Variants in FTO observed in about 807,000 individuals in gnomAD.
FTO encodes the protein alpha-ketoglutarate-dependent dioxygenase FTO.
A neutral mutation model predicts 63.9 loss-of-function variants in FTO; 47 were observed. The ratio of observed to expected loss-of-function variants is 0.74; its 90% CI spans 0.58 to 0.94. The LOEUF is 0.94. FTO is among the 40% of genes least tolerant of loss of function. The probability of loss-of-function intolerance (pLI) is 0.00; values close to 1 mark genes in which losing one functional copy is unlikely to be tolerated. For missense variants in FTO, 562 were observed against 618.1 expected (o/e 0.91, Z 0.96); for synonymous variants, 207 against 224.4 (o/e 0.92, Z 0.69).
In FTO at chr16:53,902,360, G is replaced by A. The variant is rs114436189; in HGVS notation, c.1239+13409G>A. On this transcript the variant is annotated intron_variant, in intron 7 of 8. Coordinates refer to ENST00000471389, the MANE Select transcript of FTO (RefSeq NM_001080432.3). ...GACTCAGAAGGATGTAGGCTTTTCT[G>A]GAGGGCATAGAGCCAGATAATATAG... Among the ~76,000 whole-genome samples, 184 of 152,214 alleles carry A rather than the reference G, an allele frequency of 1.2e-3. 1 individual carries two copies. The highest frequency in any genetic ancestry group is 4.4e-3 in the African/African-American group (181 of 41,540).
chr16:53,833,391 A>G (rs2079195870), intron 3 of FTO, among the ~76,000 whole-genome samples: 1 of 152,236 alleles, frequency 6.6e-6, no homozygotes, highest in Non-Finnish European at 1.5e-5. Flanking sequence ...TCCTTTTTAA[A>G]GATGACTAAT....
rs969565037 is a variant in FTO at position 54,121,121 on chromosome 16, A to G, written c.*9206A>G. 3.3e-5 allele frequency: 5 copies of G among 152,286 alleles called. No individual in the cohort carries two copies. The highest frequency in any genetic ancestry group is 4.8e-5 in the African/African-American group (2 of 41,456). The allele number at this position is 152,286 out of a possible 1,614,324, so 9.4% of individuals were successfully genotyped here. Reference sequence around the variant, plus strand: ...ATTATCTATGGCTGTTTCCAACTACAGTGGCAGAGCTGAATAGTTGCAAAG... The same window carrying G: ...ATTATCTATGGCTGTTTCCAACTACGGTGGCAGAGCTGAATAGTTGCAAAG... On this transcript the variant is annotated 3_prime_UTR_variant, in exon 9 of 9. Coordinates refer to ENST00000471389, the MANE Select transcript of FTO (RefSeq NM_001080432.3).
rs1177370624 is a variant in FTO, at chr16:54,114,456, A to T, written c.*2541A>T. ...CCAATAAACATATTAAAAGGATGAG[A>T]TAAGAAACCGAGAGATTTTGCTGTT... is the stretch of plus-strand genomic sequence containing the variant. On this transcript the variant is annotated 3_prime_UTR_variant, in exon 9 of 9. Transcript: ENST00000471389. 3.9e-5 allele frequency: 6 copies of T among 152,180 alleles called. No homozygotes were observed. The highest frequency in any genetic ancestry group is 8.8e-5 in the Non-Finnish European group (6 of 68,032). 9.4% of individuals were successfully genotyped at this position (152,180 alleles called of 1,614,324 possible).
At position 54,023,209 on chromosome 16, in the gene FTO, C is replaced by A. The variant is rs573505744; in HGVS notation, c.1365-88553C>A. 1.2e-4 allele frequency among the ~76,000 whole-genome samples: 19 copies of A among 152,286 alleles called. No homozygotes were observed. The South Asian group carries it at 3.9e-3, about 32-fold the overall frequency. The stretch of plus-strand genomic sequence containing the variant: ...GTCTGCTGTAGCATGCACCTTGATG[C>A]TTGAGTGGGTTTTGTATGAGGTGTA... On this transcript the variant is annotated intron_variant, in intron 8 of 8. Coordinates refer to ENST00000471389, the MANE Select transcript of FTO (RefSeq NM_001080432.3).
chr16:53,990,052 TG>T (rs112213566), intron 8 of FTO, among the ~76,000 whole-genome samples: 68,803 of 151,676 alleles, frequency 0.45, 16,520 homozygotes, highest in African/African-American at 0.55. Flanking sequence ...ACTGTTTATG[TG>T]AATCAGTAAG....
intron 8 of FTO, among the ~76,000 whole-genome samples, chr16:53,974,786 A>G (rs1465748469): frequency 6.6e-6 from 1 of 151,334 alleles, no homozygotes; most frequent in African/African-American, 2.5e-5. Flanking sequence ...AGTTGCAAAG[A>G]GAGTTTTGAT....
chr16:53,855,544 C>CT (rs147009430), intron 4 of FTO, among the ~76,000 whole-genome samples: 10,388 of 147,208 alleles, frequency 0.071, 815 homozygotes, highest in East Asian at 0.19. Context: ...CAAGAACTGG[C>CT]TTTTTTTTTT....
chr16:53,847,697 G>A (rs1262417425), intron 4 of FTO, among the ~76,000 whole-genome samples: 1 of 151,850 alleles, frequency 6.6e-6, no homozygotes, highest in Non-Finnish European at 1.5e-5. Flanking sequence ...GAACCCGGGA[G>A]GCAGAGGTTG....
chr16:53,831,095 G>T (rs141906661), intron 3 of FTO, among the ~76,000 whole-genome samples: 1 of 152,110 alleles, frequency 6.6e-6, no homozygotes, highest in African/African-American at 2.4e-5. Context: ...ATTTGTTCCC[G>T]TAATTCTTGA....
intron 2 of FTO, among the ~76,000 whole-genome samples, chr16:53,815,633 C>CTTTTTTT (rs2078653863): frequency 2.5e-5 from 2 of 80,136 alleles, no homozygotes; most frequent in East Asian, 8.9e-4. Flanking sequence ...CATTGACTTT[C>CTTTTTTT]TTGTTTTTTT....
intron 7 of FTO, among the ~76,000 whole-genome samples, chr16:53,925,281 G>C (rs2082112195): frequency 6.6e-6 from 1 of 152,022 alleles, no homozygotes; most frequent in African/African-American, 2.4e-5. Context: ...TGTGTGCAGA[G>C]GGGAAATACA....
At chr16:53,959,119 G>C (rs551665046) in intron 8 of FTO, among the ~76,000 whole-genome samples, 1 of 152,196 alleles carries the variant, frequency 6.6e-6, no homozygotes, top group African/African-American at 2.4e-5. Flanking sequence ...TGGTAGGTAT[G>C]TTTATTATCT....
intron 1 of FTO, among the ~76,000 whole-genome samples, chr16:53,789,777 C>T (rs934422170): frequency 2.7e-5 from 4 of 150,176 alleles, no homozygotes; most frequent in Non-Finnish European, 5.9e-5. Flanking sequence ...TACACACACA[C>T]ACACATATAT....
intron 8 of FTO, chr16:54,052,695 A>G (rs1449478135): frequency 1.3e-5 from 2 of 151,428 alleles, no homozygotes; most frequent in African/African-American, 4.9e-5. Flanking sequence ...GGGCTTCTCA[A>G]TTATTGGTGT....
chr16:53,991,456 A>G (rs923231464), intron 8 of FTO: 2 of 152,174 alleles, frequency 1.3e-5, no homozygotes, highest in Non-Finnish European at 2.9e-5. Context: ...CAGGAAAACA[A>G]GGTTGATTTA....
intron 1 of FTO, among the ~76,000 whole-genome samples, chr16:53,741,265 C>A (rs1475519724): frequency 6.6e-6 from 1 of 152,180 alleles, no homozygotes; most frequent in Non-Finnish European, 1.5e-5. Context: ...AATCTGCTGA[C>A]CCTTGGTCTA....
chr16:53,996,501 C>T (rs1397144438), intron 8 of FTO, among the ~76,000 whole-genome samples: 1 of 152,094 alleles, frequency 6.6e-6, no homozygotes, highest in Admixed American at 6.6e-5. Context: ...TCTGAGGATG[C>T]AGAAATAAAA....
At chr16:54,062,302 C>T (rs1247764122) in intron 8 of FTO, among the ~76,000 whole-genome samples, 1 of 152,156 alleles carries the variant, frequency 6.6e-6, no homozygotes, top group African/African-American at 2.4e-5. Flanking sequence ...CGTGATAGTT[C>T]AGATTGACAG....
chr16:53,729,532 T>C (rs1469739760), intron 1 of FTO, among the ~76,000 whole-genome samples: 1 of 151,564 alleles, frequency 6.6e-6, no homozygotes, highest in Non-Finnish European at 1.5e-5. Flanking sequence ...AATGACCGTG[T>C]CACTCCACTG....
Sources: gnomAD v4.1 joint callset for allele counts (sites outside exome capture counted in the v4.1 genomes callset) on GRCh38, gnomAD v4.1.1 for gene constraint, MANE v1.5 for transcripts, NCBI Gene and HGNC (gene_info 2026-07-23, HGNC 2026-07-21) for gene names.